The following APOO variants were observed in gnomAD, a reference collection of about 807,000 sequenced individuals.
APOO encodes MICOS complex subunit MIC26.
Under a neutral mutation model 23.1 loss-of-function variants are expected in APOO, and 11 were observed. That is an observed-to-expected ratio of 0.48 (90% CI 0.30 to 0.79). The LOEUF (loss-of-function observed/expected upper bound fraction) is 0.79. Among genes scored for constraint, APOO ranks in the 30% least tolerant of loss-of-function variants. The pLI is 0.07. For synonymous variants in APOO, 59 were observed against 54.8 expected (o/e 1.08, Z -0.34); for missense variants, 160 against 142.7 (o/e 1.12, Z -0.62).
intron 1 of APOO, among the ~76,000 whole-genome samples, chrX:23,900,536 G>A (rs1040882487): frequency 9.1e-6 from 1 of 109,840 alleles, no homozygotes; most frequent in African/African-American, 3.3e-5. Context: ...TAGGCCAGGC[G>A]TGCTGGTGCA....
chrX:23,901,330 T>C (rs1483063820), intron 1 of APOO, among the ~76,000 whole-genome samples: 2 of 111,739 alleles, frequency 1.8e-5, no homozygotes, highest in Non-Finnish European at 3.8e-5. Context: ...GATTTCCCAA[T>C]TTCCAGCCCA....
At chrX:23,869,420 G>A (rs1925497665) in intron 4 of APOO, among the ~76,000 whole-genome samples, 2 of 109,955 alleles carry the variant, frequency 1.8e-5, no homozygotes, top group African/African-American at 6.6e-5. Context: ...TAGATCTATT[G>A]CTATCTGAAG....
chrX:23,849,891 C>T lies in APOO; in HGVS notation c.561+6411G>A, dbSNP rs1448904726. 3.1e-5 allele frequency among the ~76,000 whole-genome samples: 3 copies of T among 97,277 alleles called. No individual in the cohort carries two copies. In the East Asian group the frequency reaches 9.5e-4, roughly 31 times the overall value. The allele number at this position is 97,277 out of a possible 115,157, so 84.5% of individuals were successfully genotyped here. On this transcript the variant is annotated intron_variant, in intron 7 of 8. Coordinates refer to ENST00000379226, the MANE Select transcript of APOO (RefSeq NM_024122.5). ...TGGGCGACAGAGTAACACTCCATCT[C>T]GAAAAAAAAAAAAAAAATCAAAAGT...
At chrX:23,887,538 A>C (rs772472048) in intron 1 of APOO, among the ~76,000 whole-genome samples, 2 of 110,048 alleles carry the variant, frequency 1.8e-5, no homozygotes, top group Admixed American at 9.8e-5. Context: ...GGCCTCCCCC[A>C]AACTTTTTCT....
intron 7 of APOO, among the ~76,000 whole-genome samples, chrX:23,847,661 C>T (rs1336531549): frequency 2.8e-5 from 3 of 108,108 alleles, no homozygotes; most frequent in East Asian, 5.9e-4. Flanking sequence ...AACAGGGTCT[C>T]GCTCTGTCAC....
intron 5 of APOO, among the ~76,000 whole-genome samples, chrX:23,866,921 G>A (rs187921170): frequency 2.8e-3 from 305 of 110,067 alleles, no homozygotes; most frequent in Non-Finnish European, 4.8e-3. Context: ...CTAACATGGC[G>A]AAACCCCATC....
intron 7 of APOO, among the ~76,000 whole-genome samples, chrX:23,849,456 G>A (rs1924420056): frequency 9.3e-6 from 1 of 107,867 alleles, no homozygotes; most frequent in African/African-American, 3.4e-5. Context: ...TAGCATAAAT[G>A]TGTAATCAGC....
intron 7 of APOO, among the ~76,000 whole-genome samples, chrX:23,848,432 G>A (rs960619397): frequency 8.9e-6 from 1 of 111,815 alleles, no homozygotes; most frequent in Non-Finnish European, 1.9e-5. Context: ...CCAAAGTGCT[G>A]GGATTACAGG....
chrX:23,844,898 CAT>C (rs1252243047), intron 7 of APOO, among the ~76,000 whole-genome samples: 1 of 112,440 alleles, frequency 8.9e-6, no homozygotes, highest in Non-Finnish European at 1.9e-5. Flanking sequence ...TGCAGTATCA[CAT>C]GAGTGGTGGT....
At chrX:23,849,557 G>T (rs1924424967) in intron 7 of APOO, among the ~76,000 whole-genome samples, 2 of 91,326 alleles carry the variant, frequency 2.2e-5, no homozygotes, top group Admixed American at 2.5e-4. Context: ...AAAGATGGAA[G>T]GGGAGCCTGT....
intron 8 of APOO, among the ~76,000 whole-genome samples, chrX:23,834,555 A>G: frequency 9.0e-6 from 1 of 110,809 alleles, no homozygotes; most frequent in East Asian, 2.8e-4. Flanking sequence ...TCACATCTGA[A>G]GATTAAACAA....
chrX:23,906,028 A>G (rs890092957), intron 1 of APOO, among the ~76,000 whole-genome samples: 1 of 112,655 alleles, frequency 8.9e-6, no homozygotes, highest in African/African-American at 3.2e-5. Context: ...GTTCCCCACC[A>G]TATCAACTCT....
chrX:23,867,123 C>T (rs2085811449), intron 5 of APOO, among the ~76,000 whole-genome samples: 2 of 109,019 alleles, frequency 1.8e-5, no homozygotes, highest in South Asian at 8.1e-4. Context: ...CGAAACGAAA[C>T]GAAACGAAAC....
chrX:23,876,276 A>AT (rs1423141915), intron 3 of APOO, among the ~76,000 whole-genome samples: 48 of 102,550 alleles, frequency 4.7e-4, no homozygotes, highest in African/African-American at 1.6e-3. Context: ...AAAATAAAAA[A>AT]AATAAAAATA....
intron 4 of APOO, among the ~76,000 whole-genome samples, chrX:23,873,435 T>C (rs1347446076): frequency 9.0e-6 from 1 of 110,803 alleles, no homozygotes; most frequent in East Asian, 2.8e-4. Context: ...GGTGAAACCC[T>C]GTCTCTACTA....
At chrX:23,879,797 C>G (rs923544433) in intron 2 of APOO, among the ~76,000 whole-genome samples, 1 of 112,085 alleles carries the variant, frequency 8.9e-6, no homozygotes, top group Non-Finnish European at 1.9e-5. Context: ...GGTTTATTCT[C>G]CACCCAGAGA....
At chrX:23,841,607 T>C (rs1923985058) in intron 7 of APOO, among the ~76,000 whole-genome samples, 1 of 109,154 alleles carries the variant, frequency 9.2e-6, no homozygotes, top group Non-Finnish European at 1.9e-5. Flanking sequence ...GGCGGACCAA[T>C]GATCAACATA....
chrX:23,870,104 G>A (rs781546813), intron 4 of APOO, among the ~76,000 whole-genome samples: 10 of 111,454 alleles, frequency 9.0e-5, no homozygotes, highest in Admixed American at 1.9e-4. Context: ...ACTGTTGATC[G>A]CTGTTGATGG....
chrX:23,839,021 G>A (rs969192208), intron 8 of APOO, among the ~76,000 whole-genome samples: 2 of 111,719 alleles, frequency 1.8e-5, no homozygotes, highest in South Asian at 3.7e-4. Flanking sequence ...CAAGTCTCTA[G>A]AGGACATGTG....
Sources: gnomAD v4.1 joint callset for allele counts (sites outside exome capture counted in the v4.1 genomes callset) on GRCh38, gnomAD v4.1.1 for gene constraint, MANE v1.5 for transcripts, NCBI Gene and HGNC (gene_info 2026-07-23, HGNC 2026-07-21) for gene names.